E2F6: variants seen among roughly 807,000 people sequenced by gnomAD.
E2F6 encodes the protein transcription factor E2F6.
A neutral mutation model predicts 31.5 loss-of-function variants in E2F6; 19 were observed. That is an observed-to-expected ratio of 0.60 (90% CI 0.42 to 0.89). The LOEUF is 0.89. Among genes scored for constraint, E2F6 ranks in the 40% least tolerant of loss-of-function variants. E2F6 has a pLI of 0.00. For missense variants in E2F6, 269 were observed against 341.6 expected, an observed-to-expected ratio of 0.79 and a Z score of 1.67; for synonymous variants, 121 against 127.7, an observed-to-expected ratio of 0.95 and a Z score of 0.36.
At chr2:11,456,927 T>A (rs1341097970) in intron 2 of E2F6, 1 of 429,500 alleles carries the variant, frequency 2.3e-6, no homozygotes, top group East Asian at 5.0e-5. Context: ...AAGAGTACAT[T>A]TCTCTCCCAG....
chr2:11,453,413 T>C (rs1349232404), intron 3 of E2F6, among the ~76,000 whole-genome samples, 169 bp downstream of exon 3: 2 of 152,210 alleles, frequency 1.3e-5, no homozygotes, highest in Non-Finnish European at 2.9e-5. Flanking sequence ...TTTTAAAAAA[T>C]TTATGTACTC....
In E2F6 at chr2:11,465,757, C is replaced by T; in HGVS notation, c.108+15G>A. On this transcript the variant is annotated intron_variant, in intron 1 of 6. Transcript: ENST00000381525. ...GGGAGACCACCGCCCGTCCCCGTCC[C>T]GTCCCGGAGCTTACCAGCAGGCCCT... 6.3e-7 allele frequency: 1 copy of T among 1,576,382 alleles called. No homozygotes were observed. The highest frequency in any genetic ancestry group is 8.6e-7 in the Non-Finnish European group (1 of 1,161,660).
rs560400509 is a variant in E2F6, at chr2:11,450,820, TAG to T, written c.537-696_537-695del. Among the ~76,000 whole-genome samples, 589 of 152,196 alleles carry T rather than the reference TAG, an allele frequency of 3.9e-3. 2 individuals are homozygous for T. The highest frequency in any genetic ancestry group is 0.014 in the African/African-American group (572 of 41,506). On this transcript the variant is annotated intron_variant, in intron 4 of 6. Coordinates refer to ENST00000381525, the MANE Select transcript of E2F6 (RefSeq NM_198256.4). ...CCTTCCAGTACCTGTACTGTGGGAA[TAG>T]AGGTTTTTGACTGCTGGAGAGAGTT...
rs1670713690 is a variant in E2F6, at chr2:11,446,415, T to C, written c.*62A>G. 1.3e-5 allele frequency: 16 copies of C among 1,225,076 alleles called. No homozygotes were observed. The highest frequency in any genetic ancestry group is 1.9e-5 in the Non-Finnish European group (16 of 831,342). 75.9% of individuals were successfully genotyped at this position (1,225,076 alleles called of 1,614,324 possible). On this transcript the variant is annotated 3_prime_UTR_variant, in exon 7 of 7. Transcript: ENST00000381525. The stretch of plus-strand genomic sequence containing the variant: ...TTATTGCTCTGAGAATCAAATTTGA[T>C]GCGTAATTCTCCACGAAGATATTCC...
chr2:11,455,480 G>A, intron 2 of E2F6: 1 of 1,295,614 alleles, frequency 7.7e-7, no homozygotes, highest in Non-Finnish European at 1.0e-6. Flanking sequence ...CTACACTTAA[G>A]ATTAAATAGG....
chr2:11,450,037 C>G lies in E2F6; in HGVS notation c.626G>C (p.Arg209Thr). 6.2e-7 allele frequency: 1 copy of G among 1,613,064 alleles called. No individual in the cohort carries two copies. The highest frequency in any genetic ancestry group is 8.5e-7 in the Non-Finnish European group (1 of 1,179,418). The change falls in exon 5 of 7, where the codon AGA becomes ACA. Residue 209 changes from arginine (R) to threonine (T), a missense_variant. By Grantham distance (71) the Arg-to-Thr change is moderately conservative (BLOSUM62 -1). Coordinates refer to ENST00000381525, the MANE Select transcript of E2F6 (RefSeq NM_198256.4). ...VIAVKAPAETRLDVPAPREDS... is the reference protein window; with the variant it reads ...VIAVKAPAETTLDVPAPREDS... ...TTCTCTGGGAGCTGGAACATCCAAT[C>G]TGGTTTCTGCTGGAGCTTTAACTGC...
At chr2:11,454,276 A>AT (rs1420466771) in intron 2 of E2F6, among the ~76,000 whole-genome samples, 1 of 151,800 alleles carries the variant, frequency 6.6e-6, no homozygotes, top group African/African-American at 2.4e-5. Flanking sequence ...TGTCTGATGA[A>AT]TTTTTTTGAA....
At chr2:11,448,479 A>T (rs889185857) in intron 5 of E2F6, among the ~76,000 whole-genome samples, 1 of 152,064 alleles carries the variant, frequency 6.6e-6, no homozygotes, top group African/African-American at 2.4e-5. Context: ...CACATACACC[A>T]CTGCTCCCTC....
Position 11,446,221 on chromosome 2 carries a change from T to G in E2F6, c.*256A>C, listed in dbSNP as rs1162483325. The G allele has an allele frequency of 4.3e-6, 2 of 460,608 alleles. No individual in the cohort carries two copies. Among genetic ancestry groups the G allele is most frequent in the Non-Finnish European group, 7.8e-6 (2 of 257,190 alleles). The allele number at this position is 460,608 out of a possible 1,614,324, so 28.5% of individuals were successfully genotyped here. On this transcript the variant is annotated 3_prime_UTR_variant, in exon 7 of 7. Coordinates refer to ENST00000381525, the MANE Select transcript of E2F6 (RefSeq NM_198256.4). ...TCATGACACTCTGTGATGAAGCTACTTCAGGAGGCAAGATGTCTATTTCAC... is the reference window on the plus strand; with the variant it reads ...TCATGACACTCTGTGATGAAGCTACGTCAGGAGGCAAGATGTCTATTTCAC...
intron 1 of E2F6, among the ~76,000 whole-genome samples, chr2:11,457,903 A>G (rs1671509532): frequency 6.6e-6 from 1 of 152,244 alleles, no homozygotes. Context: ...GGGTAACTAG[A>G]AACTTTTGCG....
chr2:11,453,621 T>C lies in E2F6; in HGVS notation c.341A>G (p.Asp114Gly). 1 of 1,614,166 alleles carries C rather than the reference T, an allele frequency of 6.2e-7. No homozygotes were observed. Among genetic ancestry groups the C allele is most frequent in the Non-Finnish European group, 8.5e-7 (1 of 1,180,028 alleles). Residue 114 changes from aspartate (D) to glycine (G), a missense_variant, in exon 3 of 7, where the codon GAC (aspartate) becomes GGC (glycine). Transcript: ENST00000381525. The part of the protein sequence containing the change: ...YDITNVLDGI[D>G]LVEKKSKNHI... The stretch of plus-strand genomic sequence containing the variant: ...GTTCTTGGATTTCTTTTCAACGAGG[T>C]CGATTCCATCTAAGACATTGGTGAT...
rs13412279 is a variant in E2F6 at position 11,449,322 on chromosome 2, C to T, written c.651+690G>A. The stretch of plus-strand genomic sequence containing the variant: ...AAAAACAGGTCAAGAAAATATTCTT[C>T]GCTAGGCAGGAGGCAAACCCCCAGG... On this transcript the variant is annotated intron_variant, in intron 5 of 6. Coordinates refer to ENST00000381525, the MANE Select transcript of E2F6 (RefSeq NM_198256.4). Among the ~76,000 whole-genome samples, 435 of 152,236 alleles carry T rather than the reference C, an allele frequency of 2.9e-3. 1 individual carries two copies. Among genetic ancestry groups the T allele is most frequent in the African/African-American group, 9.1e-3 (377 of 41,536 alleles).
chr2:11,457,418 T>C (rs1299158540), intron 1 of E2F6, among the ~76,000 whole-genome samples, 185 bp from the exon 2 acceptor site: 1 of 151,644 alleles, frequency 6.6e-6, no homozygotes, highest in Non-Finnish European at 1.5e-5. Flanking sequence ...AGGTGAGGAG[T>C]TCGAGACCAG....
In E2F6 at chr2:11,466,038, C is replaced by A; in HGVS notation, c.-159G>T. 1.7e-6 allele frequency: 1 copy of A among 600,974 alleles called. No individual in the cohort carries two copies. The highest frequency in any genetic ancestry group is 2.4e-5 in the South Asian group (1 of 41,890). The allele number at this position is 600,974 out of a possible 1,614,324, so 37.2% of individuals were successfully genotyped here. A position where few individuals can be genotyped will look rare whatever the true frequency, so the allele number is the denominator to read the frequency against. On this transcript the variant is annotated 5_prime_UTR_variant, in exon 1 of 7. Transcript: ENST00000381525. The stretch of plus-strand genomic sequence containing the variant: ...GGCGCCGCCCGGCTAGGCCGTCCCG[C>A]CCGCCAGTAAACGCGGCACGGCCTC...
Position 11,447,708 on chromosome 2 carries a change from G to C in E2F6, c.718C>G (p.Gln240Glu). The C allele has an allele frequency of 6.2e-7, 1 of 1,612,108 alleles. No homozygotes were observed. The highest frequency in any genetic ancestry group is 8.5e-7 in the Non-Finnish European group (1 of 1,179,970). The change falls in exon 6 of 7, where the codon CAG becomes GAG. Residue 240 changes from glutamine to glutamate, a missense_variant. Physicochemically the swap from Gln to Glu is conservative, Grantham distance 29. Transcript: ENST00000381525. ...GACCTTTTGTTACTGGTCTGACCCT[G>C]CTCCACTTCACACAAATAGACATCG... is the stretch of plus-strand genomic sequence containing the variant. ...PIDVYLCEVE[Q>E]GQTSNKRSEG...
In E2F6 at chr2:11,450,055, T is replaced by G. The variant is rs1247280388; in HGVS notation, c.608A>C (p.Lys203Thr). ...ATCCAATCTGGTTTCTGCTGGAGCT[T>G]TAACTGCAATGACGATCTGTTCATG... ...AFHEQIVIAV[K>T]APAETRLDVP... The change falls in exon 5 of 7, where the codon AAA (lysine) becomes ACA (threonine). Residue 203 changes from lysine to threonine, a missense_variant. Transcript: ENST00000381525. 6.2e-7 allele frequency: 1 copy of G among 1,613,670 alleles called. No homozygotes were observed. The highest frequency in any genetic ancestry group is 8.5e-7 in the Non-Finnish European group (1 of 1,179,802).
chr2:11,458,353 T>G (rs1671543899), intron 1 of E2F6: 1 of 1,551,600 alleles, frequency 6.4e-7, no homozygotes, highest in Non-Finnish European at 8.7e-7. Context: ...AATAAACAAC[T>G]GTGGGGAGAG....
chr2:11,447,529 G>A, intron 6 of E2F6, 98 bp downstream of exon 6: 2 of 1,299,642 alleles, frequency 1.5e-6, no homozygotes, highest in Middle Eastern at 2.8e-4. Flanking sequence ...TCATGTTTTT[G>A]TGGCTAGGAA....
At chr2:11,448,669 G>A (rs1366853963) in intron 5 of E2F6, among the ~76,000 whole-genome samples, 1 of 152,150 alleles carries the variant, frequency 6.6e-6, no homozygotes, top group African/African-American at 2.4e-5. Flanking sequence ...GATAAATCCT[G>A]TACAATTTAA....
Sources: gnomAD v4.1 joint callset for allele counts (sites outside exome capture counted in the v4.1 genomes callset) on GRCh38, gnomAD v4.1.1 for gene constraint, MANE v1.5 for transcripts, NCBI Gene and HGNC (gene_info 2026-07-23, HGNC 2026-07-21) for gene names.